ADM: variants seen among roughly 807,000 people sequenced by gnomAD.
ADM encodes the protein adrenomedullin.
Under a neutral mutation model 9.0 loss-of-function variants are expected in ADM, and 4 were observed. The observed-to-expected ratio is 0.44, with a 90% CI of 0.22 to 1.02. ADM has a LOEUF of 1.02. Among genes scored for constraint, ADM ranks in the 50% least tolerant of loss-of-function variants. The pLI, the probability that ADM is intolerant of heterozygous loss-of-function variation, is 0.24. For missense variants in ADM, 253 were observed against 254.1 expected (o/e 1.00, Z 0.03); for synonymous variants, 107 against 107.2 (o/e 1.00, Z 0.01).
In ADM at chr11:10,305,771, T is replaced by C. The variant is rs780403470; in HGVS notation, c.71T>C (p.Leu24Ser). The C allele has an allele frequency of 3.1e-6, 5 of 1,614,198 alleles. No homozygotes were observed. The highest frequency in any genetic ancestry group is 4.2e-6 in the Non-Finnish European group (5 of 1,180,026). The change falls in exon 2 of 4, where the codon TTG (leucine) becomes TCG (serine). Residue 24 changes from leucine (L) to serine (S), a missense_variant. Transcript: ENST00000278175. ...TTCCTAGGCGCTGACACCGCTCGGTTGGATGTCGCGTCGGAGTTTCGAAAG... is the reference window on the plus strand; with the variant it reads ...TTCCTAGGCGCTGACACCGCTCGGTCGGATGTCGCGTCGGAGTTTCGAAAG... Reference protein sequence around the residue: ...LAFLGADTARLDVASEFRKKW... With the variant: ...LAFLGADTARSDVASEFRKKW...
At chr11:10,305,492 G>A (rs566836531) in intron 1 of ADM, 188 bp from the exon 2 acceptor site, 3 of 581,068 alleles carry the variant, frequency 5.2e-6, no homozygotes, top group African/African-American at 3.8e-5. Flanking sequence ...TCCCCTGCGG[G>A]GCCTGTCACC....
At chr11:10,306,311 T>TGGGCGGGG in intron 3 of ADM, 21 bp from the exon 4 acceptor site, 1 of 1,543,790 alleles carries the variant, frequency 6.5e-7, no homozygotes, top group Non-Finnish European at 8.9e-7. Flanking sequence ...TTGCCTTTCT[T>TGGGCGGGG]CCCCCTCCCC....
rs777195912 is a variant in ADM, at chr11:10,306,330, A to G, written c.249-2A>G. ...CTTTCTTCCCCCTCCCCCCGCCCGCAGCAGTCCGGATGCCGCCCGCATCCG... is the reference window on the plus strand; with the variant it reads ...CTTTCTTCCCCCTCCCCCCGCCCGCGGCAGTCCGGATGCCGCCCGCATCCG... On this transcript the variant is annotated splice_acceptor_variant, in intron 3 of 3. Coordinates refer to ENST00000278175, the MANE Select transcript of ADM (RefSeq NM_001124.3). LOFTEE classifies it high-confidence loss of function. The G allele has an allele frequency of 8.0e-6, 5 of 623,050 alleles. No homozygotes were observed. In the East Asian group the frequency reaches 2.5e-4, roughly 31 times the overall value. The allele number at this position is 623,050 out of a possible 1,614,324, so 38.6% of individuals were successfully genotyped here. A position where few individuals can be genotyped will look rare whatever the true frequency, so the allele number is the denominator to read the frequency against.
In ADM at chr11:10,306,814, C is replaced by T; in HGVS notation, c.*173C>T. 3.4e-6 allele frequency: 2 copies of T among 592,198 alleles called. No individual in the cohort carries two copies. Among genetic ancestry groups the T allele is most frequent in the Non-Finnish European group, 5.6e-6 (2 of 359,820 alleles). The allele number at this position is 592,198 out of a possible 1,614,324, so 36.7% of individuals were successfully genotyped here. ...TCTGGCTTTGCAAGGGCCCCTCCTT[C>T]TGGGGGCTTCGCTTCCTTAGCCTTG... On this transcript the variant is annotated 3_prime_UTR_variant, in exon 4 of 4. Transcript: ENST00000278175.
chr11:10,306,311 T>TGGGCCGG, intron 3 of ADM, 21 bp from the exon 4 acceptor site: 5 of 1,543,776 alleles, frequency 3.2e-6, no homozygotes, highest in Non-Finnish European at 3.6e-6. Flanking sequence ...TTGCCTTTCT[T>TGGGCCGG]CCCCCTCCCC....
At chr11:10,305,538 G>C in intron 1 of ADM, 142 bp from the exon 2 acceptor site, 1 of 685,124 alleles carries the variant, frequency 1.5e-6, no homozygotes, top group Non-Finnish European at 2.4e-6. Context: ...GCGCCTCTCT[G>C]CGCGGAGGGA....
chr11:10,306,311 T>TGGGGCGCG, intron 3 of ADM, 21 bp from the exon 4 acceptor site: 2 of 1,543,780 alleles, frequency 1.3e-6, no homozygotes, highest in Non-Finnish European at 1.8e-6. Context: ...TTGCCTTTCT[T>TGGGGCGCG]CCCCCTCCCC....
chr11:10,306,094 G>C lies in ADM; in HGVS notation c.244G>C (p.Asp82His), dbSNP rs768053857. The change falls in exon 3 of 4, where the codon GAC becomes CAC. Residue 82 changes from aspartate to histidine, a missense_variant. Transcript: ENST00000278175. Reference sequence around the variant, plus strand: ...GAAGGGTGCCTCTCGAAGCCCCGAAGACAGGTAACTACGCCCTGTGCTGTC... The same window carrying C: ...GAAGGGTGCCTCTCGAAGCCCCGAACACAGGTAACTACGCCCTGTGCTGTC... The part of the protein sequence containing the change: ...DMKGASRSPE[D>H]SSPDAARIRV... 3 of 1,613,798 alleles carry C rather than the reference G, an allele frequency of 1.9e-6. No homozygotes were observed. In the African/African-American group the frequency reaches 4.0e-5, roughly 22 times the overall value.
Position 10,306,564 on chromosome 11 carries a change from C to G in ADM, c.481C>G (p.Arg161Gly). ...RRSLPEAGPG[R>G]TLVSSKPQAH... ...CTCCCTGCCCGAGGCCGGCCCGGGTCGGACTCTGGTGTCTTCTAAGCCACA... is the reference window on the plus strand; with the variant it reads ...CTCCCTGCCCGAGGCCGGCCCGGGTGGGACTCTGGTGTCTTCTAAGCCACA... Residue 161 changes from arginine to glycine, a missense_variant, in exon 4 of 4, where the codon CGG becomes GGG. Transcript: ENST00000278175. 1 of 1,612,030 alleles carries G rather than the reference C, an allele frequency of 6.2e-7. No individual in the cohort carries two copies. Among genetic ancestry groups the G allele is most frequent in the Non-Finnish European group, 8.5e-7 (1 of 1,179,292 alleles).
chr11:10,306,378 A>T lies in ADM; in HGVS notation c.295A>T (p.Met99Leu). The T allele has an allele frequency of 1.9e-6, 3 of 1,571,866 alleles. No individual in the cohort carries two copies. Among genetic ancestry groups the T allele is most frequent in the Non-Finnish European group, 2.6e-6 (3 of 1,158,938 alleles). ...CCGAGTCAAGCGCTACCGCCAGAGCATGAACAACTTCCAGGGCCTCCGGAG... is the reference window on the plus strand; with the variant it reads ...CCGAGTCAAGCGCTACCGCCAGAGCTTGAACAACTTCCAGGGCCTCCGGAG... ...RIRVKRYRQS[M>L]NNFQGLRSFG... The change falls in exon 4 of 4, where the codon ATG (methionine) becomes TTG (leucine). Residue 99 changes from methionine (M) to leucine (L), a missense_variant. Transcript: ENST00000278175.
Position 10,306,445 on chromosome 11 carries a change from C to T in ADM, c.362C>T (p.Ala121Val), listed in dbSNP as rs752251431. 4.3e-6 allele frequency: 7 copies of T among 1,613,544 alleles called. No homozygotes were observed. Among genetic ancestry groups the T allele is most frequent in the Non-Finnish European group, 5.9e-6 (7 of 1,179,896 alleles). The change falls in exon 4 of 4, where the codon GCA becomes GTA. Residue 121 changes from alanine (A) to valine (V), a missense_variant. Ala to Val is a moderately conservative substitution (Grantham distance 64, BLOSUM62 0). Transcript: ENST00000278175. ...GGGACGTGCACGGTGCAGAAGCTGG[C>T]ACACCAGATCTACCAGTTCACAGAT... is the stretch of plus-strand genomic sequence containing the variant. ...RFGTCTVQKL[A>V]HQIYQFTDKD...
intron 3 of ADM, 21 bp from the exon 4 acceptor site, chr11:10,306,311 T>TGGGGCTCCCC: frequency 6.5e-7 from 1 of 1,543,792 alleles, no homozygotes; most frequent in Non-Finnish European, 8.9e-7. Flanking sequence ...TTGCCTTTCT[T>TGGGGCTCCCC]CCCCCTCCCC....
rs1167083922 is a variant in ADM, at chr11:10,307,273, G to C, written c.*632G>C. ...CCGCGTGGAATGTGAGTGTGTTTGT[G>C]TGCATGAAAGAGAAAGACTGATTAC... On this transcript the variant is annotated 3_prime_UTR_variant, in exon 4 of 4. Coordinates refer to ENST00000278175, the MANE Select transcript of ADM (RefSeq NM_001124.3). The surrounding 1 kb of genome is among the most constrained non-coding windows in gnomAD (Gnocchi z 4.5). 6.5e-6 allele frequency: 1 copy of C among 152,680 alleles called. No individual in the cohort carries two copies. Among genetic ancestry groups the C allele is most frequent in the Admixed American group, 6.5e-5 (1 of 15,292 alleles). 9.5% of individuals were successfully genotyped at this position (152,680 alleles called of 1,614,324 possible).
In ADM at chr11:10,306,311, TCCCCCTCCCCCC is replaced by T; in HGVS notation, c.249-20_249-9del. ...TGATGGGGTCTCAAGTTGCCTTTCT[TCCCCCTCCCCCC>T]GCCCGCAGCAGTCCGGATGCCGCCC... On this transcript the variant is annotated splice_polypyrimidine_tract_variant and intron_variant, in intron 3 of 3. Coordinates refer to ENST00000278175, the MANE Select transcript of ADM (RefSeq NM_001124.3). 6.5e-7 allele frequency: 1 copy of T among 1,543,782 alleles called. No homozygotes were observed. Among genetic ancestry groups the T allele is most frequent in the Non-Finnish European group, 8.9e-7 (1 of 1,126,148 alleles).
chr11:10,305,845 G>GGGGA, intron 2 of ADM, 47 bp downstream of exon 2: 1 of 1,612,996 alleles, frequency 6.2e-7, no homozygotes, highest in Non-Finnish European at 8.5e-7. Context: ...TGGCAGGCAA[G>GGGGA]GGGAACTGAC....
rs1964670573 is a variant in ADM, at chr11:10,307,152, T to A, written c.*511T>A. On this transcript the variant is annotated 3_prime_UTR_variant, in exon 4 of 4. Coordinates refer to ENST00000278175, the MANE Select transcript of ADM (RefSeq NM_001124.3). The surrounding 1 kb of genome is among the most constrained non-coding windows in gnomAD (Gnocchi z 4.5). ...AACTTCAAATATAGAGATATTTTTG[T>A]ACGTTATATATTGTATTAAGGGCAT... 1 of 152,960 alleles carries A rather than the reference T, an allele frequency of 6.5e-6. No homozygotes were observed. Among genetic ancestry groups the A allele is most frequent in the South Asian group, 2.0e-4 (1 of 4,906 alleles). 9.5% of individuals were successfully genotyped at this position (152,960 alleles called of 1,614,324 possible). A position where few individuals can be genotyped will look rare whatever the true frequency, so the allele number is the denominator to read the frequency against.
rs1264182816 is a variant in ADM at position 10,307,291 on chromosome 11, C to G, written c.*650C>G. 6.6e-6 allele frequency: 1 copy of G among 152,662 alleles called. No individual in the cohort carries two copies. Among genetic ancestry groups the G allele is most frequent in the Non-Finnish European group, 1.5e-5 (1 of 68,048 alleles). The allele number at this position is 152,662 out of a possible 1,614,324, so 9.5% of individuals were successfully genotyped here. A position where few individuals can be genotyped will look rare whatever the true frequency, so the allele number is the denominator to read the frequency against. On this transcript the variant is annotated 3_prime_UTR_variant, in exon 4 of 4. Transcript: ENST00000278175. The surrounding 1 kb of genome is among the most constrained non-coding windows in gnomAD (Gnocchi z 4.5). ...TGTTTGTGTGCATGAAAGAGAAAGACTGATTACCTCCTGTGTGGAAGAAGG... is the reference window on the plus strand; with the variant it reads ...TGTTTGTGTGCATGAAAGAGAAAGAGTGATTACCTCCTGTGTGGAAGAAGG...
chr11:10,306,739 G>C lies in ADM; in HGVS notation c.*98G>C. 1 of 1,306,242 alleles carries C rather than the reference G, an allele frequency of 7.7e-7. No individual in the cohort carries two copies. The highest frequency in any genetic ancestry group is 1.0e-6 in the Non-Finnish European group (1 of 967,814). The allele number at this position is 1,306,242 out of a possible 1,614,324, so 80.9% of individuals were successfully genotyped here. ...CCGAGCGGTGTGGGGACCGGGCTCT[G>C]ACAGCCCTGCGGAGACCCTGAGTCC... is the stretch of plus-strand genomic sequence containing the variant. On this transcript the variant is annotated 3_prime_UTR_variant, in exon 4 of 4. Coordinates refer to ENST00000278175, the MANE Select transcript of ADM (RefSeq NM_001124.3).
In ADM at chr11:10,306,402, A is replaced by G; in HGVS notation, c.319A>G (p.Ser107Gly). 1 of 1,609,212 alleles carries G rather than the reference A, an allele frequency of 6.2e-7. No homozygotes were observed. Among genetic ancestry groups the G allele is most frequent in the Non-Finnish European group, 8.5e-7 (1 of 1,179,464 alleles). The change falls in exon 4 of 4, where the codon AGC becomes GGC. Residue 107 changes from serine (S) to glycine (G), a missense_variant. Physicochemically the swap from Ser to Gly is moderately conservative, Grantham distance 56. Transcript: ENST00000278175. ...CATGAACAACTTCCAGGGCCTCCGG[A>G]GCTTTGGCTGCCGCTTCGGGACGTG... is the stretch of plus-strand genomic sequence containing the variant. ...QSMNNFQGLR[S>G]FGCRFGTCTV... is the part of the protein sequence containing the mutation.
Sources: allele counts gnomAD v4.1 joint callset, GRCh38; gene constraint gnomAD v4.1.1; non-coding constraint Gnocchi (gnomAD v3.1); transcripts MANE v1.5; gene names NCBI Gene and HGNC (gene_info 2026-07-23, HGNC 2026-07-21).